Variants in NKAIN3 observed in about 807,000 individuals in gnomAD.
NKAIN3 encodes the protein sodium/potassium-transporting ATPase subunit beta-1-interacting protein 3.
Under a neutral mutation model 30.2 loss-of-function variants are expected in NKAIN3, and 25 were observed. The observed-to-expected ratio is 0.83, with a 90% confidence interval of 0.60 to 1.16. The LOEUF is 1.16. Ranked by LOEUF, NKAIN3 falls within the 50% of genes most tolerant of loss-of-function variation. The probability of loss-of-function intolerance (pLI) is 0.00; values close to 1 mark genes in which losing one functional copy is unlikely to be tolerated. For synonymous variants in NKAIN3, 91 were observed against 89.6 expected (o/e 1.02, Z -0.09); for missense variants, 225 against 254.1 (o/e 0.89, Z 0.78).
At chr8:62,910,636 T>A (rs1345340934) in intron 4 of NKAIN3, among the ~76,000 whole-genome samples, 1 of 152,134 alleles carries the variant, frequency 6.6e-6, no homozygotes, top group Admixed American at 6.6e-5. Flanking sequence ...AACAAAATAA[T>A]ATATGGTTCA....
At chr8:62,467,716 T>TA (rs1806204358) in intron 1 of NKAIN3, among the ~76,000 whole-genome samples, 1 of 152,100 alleles carries the variant, frequency 6.6e-6, no homozygotes, top group Non-Finnish European at 1.5e-5. Context: ...GCTCAATAAA[T>TA]AAAATAAAAA....
chr8:62,837,438 A>G (rs555825001), intron 4 of NKAIN3, among the ~76,000 whole-genome samples: 1 of 152,272 alleles, frequency 6.6e-6, no homozygotes, highest in Admixed American at 6.5e-5. Context: ...CTACATCTGA[A>G]AATTCCAGTA....
intron 3 of NKAIN3, among the ~76,000 whole-genome samples, chr8:62,664,681 C>A (rs1291410695): frequency 6.6e-6 from 1 of 152,120 alleles, no homozygotes; most frequent in Admixed American, 6.6e-5. Flanking sequence ...ATTTTCTCAA[C>A]CAGAGCTCCC....
intron 3 of NKAIN3, among the ~76,000 whole-genome samples, chr8:62,719,198 G>A (rs1001441953): frequency 6.6e-6 from 1 of 152,122 alleles, no homozygotes; most frequent in African/African-American, 2.4e-5. Context: ...GCAGGTGTGC[G>A]GTTGACTATG....
At chr8:62,460,955 G>C (rs550477213) in intron 1 of NKAIN3, among the ~76,000 whole-genome samples, 1 of 152,190 alleles carries the variant, frequency 6.6e-6, no homozygotes, top group African/African-American at 2.4e-5. Flanking sequence ...GAGCTTAAAA[G>C]CTTTGAGATA....
Position 62,981,934 on chromosome 8 carries a change from T to A in NKAIN3, c.*16527T>A, listed in dbSNP as rs1457782320. The A allele has an allele frequency of 2.0e-5, 3 of 152,100 alleles. No individual in the cohort carries two copies. Among genetic ancestry groups the A allele is most frequent in the African/African-American group, 7.2e-5 (3 of 41,426 alleles). The allele number at this position is 152,100 out of a possible 1,614,324, so 9.4% of individuals were successfully genotyped here. ...CGATACACAGTTCGAATTATCTAAA[T>A]GAAATAATTTTCAAGCACATAACAG... On this transcript the variant is annotated 3_prime_UTR_variant, in exon 7 of 7. Transcript: ENST00000623646.
chr8:62,476,642 A>C (rs1806528478), intron 1 of NKAIN3, among the ~76,000 whole-genome samples: 2 of 151,912 alleles, frequency 1.3e-5, no homozygotes, highest in South Asian at 4.2e-4. Context: ...TTTTTAATAG[A>C]GACAGGGTTT....
intron 1 of NKAIN3, among the ~76,000 whole-genome samples, chr8:62,381,121 G>A (rs982382513): frequency 6.6e-6 from 1 of 152,092 alleles, no homozygotes; most frequent in Admixed American, 6.6e-5. Context: ...AATCATAAAA[G>A]TGAATAAAGT....
chr8:62,389,650 C>T (rs979097109), intron 1 of NKAIN3, among the ~76,000 whole-genome samples: 10 of 152,112 alleles, frequency 6.6e-5, no homozygotes, highest in Non-Finnish European at 1.3e-4. Context: ...TCTATGTTGC[C>T]TATCTGGGTA....
At chr8:62,878,254 A>G (rs2130810023) in intron 4 of NKAIN3, among the ~76,000 whole-genome samples, 1 of 152,282 alleles carries the variant, frequency 6.6e-6, no homozygotes, top group South Asian at 2.1e-4. Context: ...TTTCTGAAGA[A>G]TCTGACCTTT....
At chr8:62,320,559 C>T (rs1207365688) in intron 1 of NKAIN3, among the ~76,000 whole-genome samples, 3 of 152,066 alleles carry the variant, frequency 2.0e-5, no homozygotes, top group Admixed American at 6.5e-5. Flanking sequence ...ATTTGCTTTT[C>T]TGTAAAGGAT....
At chr8:62,819,312 A>G (rs1382357581) in intron 4 of NKAIN3, among the ~76,000 whole-genome samples, 2 of 151,848 alleles carry the variant, frequency 1.3e-5, no homozygotes, top group African/African-American at 4.8e-5. Flanking sequence ...ACATTGTGGA[A>G]GATAGATGAC....
chr8:62,748,163 T>G (rs533380866), intron 4 of NKAIN3, among the ~76,000 whole-genome samples: 8 of 152,292 alleles, frequency 5.3e-5, no homozygotes, highest in African/African-American at 1.9e-4. Flanking sequence ...TTCTTCTGCT[T>G]TATGTGGTAT....
At chr8:62,684,440 C>T (rs1251924411) in intron 3 of NKAIN3, among the ~76,000 whole-genome samples, 1 of 152,182 alleles carries the variant, frequency 6.6e-6, no homozygotes, top group Non-Finnish European at 1.5e-5. Context: ...TCTTCCCTTT[C>T]CATGTCACCT....
intron 1 of NKAIN3, among the ~76,000 whole-genome samples, chr8:62,402,355 T>C (rs1803901478): frequency 6.6e-6 from 1 of 152,102 alleles, no homozygotes; most frequent in Non-Finnish European, 1.5e-5. Flanking sequence ...CAAGAAATGC[T>C]CTCTAAGAGC....
At chr8:62,794,502 A>T (rs1263922434) in intron 4 of NKAIN3, among the ~76,000 whole-genome samples, 1 of 152,110 alleles carries the variant, frequency 6.6e-6, no homozygotes, top group Non-Finnish European at 1.5e-5. Context: ...CCCCCCCACC[A>T]AATCTACATA....
chr8:62,624,922 T>G (rs80182278), intron 3 of NKAIN3, among the ~76,000 whole-genome samples: 1 of 152,040 alleles, frequency 6.6e-6, no homozygotes, highest in African/African-American at 2.4e-5. Flanking sequence ...GTCATTTCTG[T>G]TAGTCTTTCT....
In NKAIN3 at chr8:62,974,544, C is replaced by G. The variant is rs6983864; in HGVS notation, c.*9137C>G. Among the ~76,000 whole-genome samples, 16,362 of 152,164 alleles carry G rather than the reference C, an allele frequency of 0.11. 936 individuals are homozygous for G. The highest frequency in any genetic ancestry group is 0.17 in the South Asian group (829 of 4,818). On this transcript the variant is annotated 3_prime_UTR_variant, in exon 7 of 7. Coordinates refer to ENST00000623646, the MANE Select transcript of NKAIN3 (RefSeq NM_001304533.3). ...GCAACTTTGCTGAAATTGCTTATCT[C>G]TTTAAGGAGTTTTGGGGTTGAGACA... is the stretch of plus-strand genomic sequence containing the variant.
chr8:62,379,660 C>A (rs1467032745), intron 1 of NKAIN3, among the ~76,000 whole-genome samples: 1 of 151,650 alleles, frequency 6.6e-6, no homozygotes, highest in Non-Finnish European at 1.5e-5. Context: ...AAAGAGGTGC[C>A]TTCTGCTATG....
Sources: gnomAD v4.1 joint callset for allele counts (sites outside exome capture counted in the v4.1 genomes callset) on GRCh38, gnomAD v4.1.1 for gene constraint, MANE v1.5 for transcripts, NCBI Gene and HGNC (gene_info 2026-07-23, HGNC 2026-07-21) for gene names.